Variants in TRPC4AP observed in about 807,000 individuals in gnomAD.
The protein encoded by TRPC4AP is transient receptor potential cation channel subfamily C member 4 associated protein.
A neutral mutation model predicts 99.0 loss-of-function variants in TRPC4AP; 45 were observed. The observed-to-expected ratio is 0.45, with a 90% CI of 0.36 to 0.58. The LOEUF is 0.58. Among genes scored for constraint, TRPC4AP ranks in the 20% least tolerant of loss-of-function variants. The pLI is 0.00. For missense variants in TRPC4AP, 879 were observed against 985.3 expected (o/e 0.89, Z 1.44); for synonymous variants, 408 against 385.8 (o/e 1.06, Z -0.67).
At chr20:35,015,206 G>A (rs1569086538) in intron 10 of TRPC4AP, among the ~76,000 whole-genome samples, 1 of 152,090 alleles carries the variant, frequency 6.6e-6, no homozygotes. Context: ...TCACCATGTT[G>A]GCCAGGCTGG....
intron 2 of TRPC4AP, among the ~76,000 whole-genome samples, chr20:35,076,448 G>A: frequency 6.6e-6 from 1 of 152,080 alleles, no homozygotes; most frequent in East Asian, 1.9e-4. Flanking sequence ...TTTTGGTGTG[G>A]ATGTCCTTTC....
At chr20:35,051,447 AC>A (rs1282358456) in intron 5 of TRPC4AP, among the ~76,000 whole-genome samples, 9 of 152,072 alleles carry the variant, frequency 5.9e-5, no homozygotes, top group Admixed American at 2.0e-4. Flanking sequence ...CACTGGGACT[AC>A]AGGCGTGCAC....
chr20:35,039,348 T>A (rs1395907078), intron 7 of TRPC4AP, among the ~76,000 whole-genome samples: 1 of 152,172 alleles, frequency 6.6e-6, no homozygotes, highest in Non-Finnish European at 1.5e-5. Context: ...GTCACTCACC[T>A]CTTGAAAAGC....
intron 1 of TRPC4AP, among the ~76,000 whole-genome samples, chr20:35,087,087 T>C (rs1191907975): frequency 6.7e-6 from 1 of 148,528 alleles, no homozygotes; most frequent in African/African-American, 2.5e-5. Context: ...CCCAGCACCT[T>C]GGGAGGCCGA....
At chr20:35,092,576 G>T in intron 1 of TRPC4AP, 38 bp downstream of exon 1, 1 of 1,438,710 alleles carries the variant, frequency 7.0e-7, no homozygotes, top group Non-Finnish European at 9.1e-7. Flanking sequence ...CTCCCGCCTG[G>T]TCCGCCCCGC....
chr20:35,024,853 A>AAC (rs2082988749), intron 8 of TRPC4AP, among the ~76,000 whole-genome samples: 1 of 130,732 alleles, frequency 7.6e-6, no homozygotes, highest in African/African-American at 2.9e-5. Context: ...AAAAAAAAAA[A>AAC]AATTCTGTTT....
chr20:35,074,832 T>C (rs1344445944), intron 2 of TRPC4AP, among the ~76,000 whole-genome samples: 1 of 152,194 alleles, frequency 6.6e-6, no homozygotes, highest in East Asian at 1.9e-4. Context: ...CCCTGTTAAC[T>C]TTCTGTCTCG....
intron 8 of TRPC4AP, among the ~76,000 whole-genome samples, chr20:35,023,741 C>T (rs552884948): frequency 6.6e-6 from 1 of 152,308 alleles, no homozygotes; most frequent in African/African-American, 2.4e-5. Context: ...TTGGCATCCT[C>T]GGCACCCAGC....
chr20:35,009,284 G>A (rs995046764), intron 12 of TRPC4AP, among the ~76,000 whole-genome samples: 1 of 152,184 alleles, frequency 6.6e-6, no homozygotes, highest in African/African-American at 2.4e-5. Context: ...GAGCAGCTCT[G>A]CTGTGATCCA....
intron 1 of TRPC4AP, among the ~76,000 whole-genome samples, chr20:35,090,689 T>C (rs2085034713): frequency 6.6e-6 from 1 of 152,158 alleles, no homozygotes; most frequent in Non-Finnish European, 1.5e-5. Context: ...TGGGCTTTTC[T>C]AGGCTCCTCC....
intron 6 of TRPC4AP, among the ~76,000 whole-genome samples, chr20:35,047,925 A>G (rs1040977694): frequency 1.3e-5 from 2 of 152,090 alleles, no homozygotes; most frequent in African/African-American, 4.8e-5. Context: ...GGGGCACAAG[A>G]TATGTGCCTG....
intron 1 of TRPC4AP, among the ~76,000 whole-genome samples, chr20:35,080,463 T>C (rs899110393): frequency 2.7e-5 from 4 of 147,128 alleles, no homozygotes; most frequent in Non-Finnish European, 5.9e-5. Context: ...ACTGCGCCAC[T>C]GCACTTCAGC....
rs558465162 is a variant in TRPC4AP, at chr20:35,091,781, G to T, written c.168+833C>A. On this transcript the variant is annotated intron_variant, in intron 1 of 18. Coordinates refer to ENST00000252015, the MANE Select transcript of TRPC4AP (RefSeq NM_015638.3). Reference sequence around the variant, plus strand: ...TAATATTAACTACCTTCAGCCCTTAGTATGCACCAGAAATGCACTAATGCT... The same window carrying T: ...TAATATTAACTACCTTCAGCCCTTATTATGCACCAGAAATGCACTAATGCT... Among the ~76,000 whole-genome samples the T allele has an allele frequency of 5.8e-4, 88 of 152,234 alleles. 1 individual carries two copies. Among genetic ancestry groups the T allele is most frequent in the Admixed American group, 2.4e-3 (37 of 15,284 alleles).
intron 9 of TRPC4AP, among the ~76,000 whole-genome samples, chr20:35,019,527 T>C (rs2082835941): frequency 6.6e-6 from 1 of 152,116 alleles, no homozygotes; most frequent in South Asian, 2.1e-4. Context: ...AAGAATCGAG[T>C]GTGGGGACAC....
At chr20:35,065,862 AAGT>A (rs2084130890) in intron 3 of TRPC4AP, among the ~76,000 whole-genome samples, 1 of 152,200 alleles carries the variant, frequency 6.6e-6, no homozygotes, top group Admixed American at 6.5e-5. Context: ...AGTTCTTACT[AAGT>A]AGATTTCTTG....
intron 3 of TRPC4AP, among the ~76,000 whole-genome samples, chr20:35,062,365 T>TG (rs1238922250): frequency 6.6e-5 from 10 of 152,230 alleles, no homozygotes; most frequent in African/African-American, 2.2e-4. Flanking sequence ...TATATGCCAA[T>TG]GTTCATGGCA....
At chr20:35,023,614 G>A (rs2082945140) in intron 8 of TRPC4AP, among the ~76,000 whole-genome samples, 1 of 152,174 alleles carries the variant, frequency 6.6e-6, no homozygotes, top group African/African-American at 2.4e-5. Flanking sequence ...TTCCATGTTA[G>A]CACTCCTTGG....
intron 3 of TRPC4AP, among the ~76,000 whole-genome samples, chr20:35,068,946 TACACACACACAC>T (rs71196783): frequency 2.7e-5 from 3 of 113,176 alleles, no homozygotes; most frequent in Non-Finnish European, 5.7e-5. Context: ...GGGGAATATT[TACACACACACAC>T]ACACACACAC....
intron 8 of TRPC4AP, among the ~76,000 whole-genome samples, chr20:35,027,052 G>A (rs1192659497): frequency 6.6e-6 from 1 of 151,908 alleles, no homozygotes; most frequent in African/African-American, 2.4e-5. Flanking sequence ...TTGCCTAACT[G>A]CCCTAGCCAG....
Sources: allele counts gnomAD v4.1 joint callset (sites outside exome capture counted in the v4.1 genomes callset), GRCh38; gene constraint gnomAD v4.1.1; transcripts MANE v1.5; gene names NCBI Gene and HGNC (gene_info 2026-07-23, HGNC 2026-07-21).